PTPRD: variants seen among roughly 807,000 people sequenced by gnomAD.
PTPRD encodes the protein protein tyrosine phosphatase receptor type D.
Under a neutral mutation model 214.5 loss-of-function variants are expected in PTPRD, and 34 were observed. The ratio of observed to expected loss-of-function variants is 0.16; its 90% CI spans 0.12 to 0.21. The LOEUF (loss-of-function observed/expected upper bound fraction) is 0.21, where lower values mean the gene tolerates loss of function less well. PTPRD is among the 10% of genes least tolerant of loss of function. The pLI is 1.00. For missense variants in PTPRD, 2,545 were observed against 2,398.7 expected (o/e 1.06, Z -1.27); for synonymous variants, 1,128 against 845.7 (o/e 1.33, Z -5.79).
chr9:8,792,694 T>G (rs1033037773), intron 11 of PTPRD, among the ~76,000 whole-genome samples: 2 of 152,170 alleles, frequency 1.3e-5, no homozygotes, highest in Admixed American at 6.5e-5. Flanking sequence ...ACACATTTTG[T>G]GAGCAATTAA....
At chr9:9,410,763 C>T (rs969839424) in intron 8 of PTPRD, among the ~76,000 whole-genome samples, 28 of 152,246 alleles carry the variant, frequency 1.8e-4, no homozygotes, top group Admixed American at 1.4e-3. Flanking sequence ...ATAATGACAA[C>T]ATTTTACTAC....
At chr9:8,429,935 G>C (rs925858448) in intron 35 of PTPRD, among the ~76,000 whole-genome samples, 1 of 152,202 alleles carries the variant, frequency 6.6e-6, no homozygotes, top group African/African-American at 2.4e-5. Flanking sequence ...AGCTAGTGCT[G>C]ACTAACTTGA....
At chr9:10,431,149 G>T (rs889474134) in intron 2 of PTPRD, among the ~76,000 whole-genome samples, 3 of 151,760 alleles carry the variant, frequency 2.0e-5, no homozygotes, top group Non-Finnish European at 2.9e-5. Flanking sequence ...TCCTTTTATT[G>T]ATTCTCTCCT....
rs13295325 is a variant in PTPRD, at chr9:8,934,436, A to C, written c.-104+84261T>G. 3.0e-4 allele frequency among the ~76,000 whole-genome samples: 9 copies of C among 30,332 alleles called. 1 individual carries two copies. The highest frequency in any genetic ancestry group is 4.9e-4 in the Non-Finnish European group (8 of 16,492). The allele number at this position is 30,332 out of a possible 152,430, so 19.9% of individuals were successfully genotyped here. ...GTGTGTGTGTGTATATATATATATA[A>C]ATATATATATAAATTTATATATATA... is the stretch of plus-strand genomic sequence containing the variant. On this transcript the variant is annotated intron_variant, in intron 11 of 45. Transcript: ENST00000381196.
intron 3 of PTPRD, among the ~76,000 whole-genome samples, chr9:10,087,941 T>C (rs1057122485): frequency 4.0e-5 from 6 of 151,768 alleles, no homozygotes; most frequent in Non-Finnish European, 7.4e-5. Flanking sequence ...GGTCTAGTTT[T>C]TGGCAAAGCA....
chr9:8,604,836 T>C (rs550401961), intron 14 of PTPRD, among the ~76,000 whole-genome samples: 3 of 152,244 alleles, frequency 2.0e-5, no homozygotes, highest in South Asian at 2.1e-4. Context: ...ATGGAAAATA[T>C]AGAAAATGGG....
At chr9:9,409,048 T>A (rs1422405815) in intron 8 of PTPRD, among the ~76,000 whole-genome samples, 3 of 152,134 alleles carry the variant, frequency 2.0e-5, no homozygotes, top group South Asian at 2.1e-4. Context: ...TATTGAAGTA[T>A]AACTTTTCTG....
intron 9 of PTPRD, among the ~76,000 whole-genome samples, chr9:9,332,409 C>T (rs1460429595): frequency 6.6e-6 from 1 of 151,740 alleles, no homozygotes; most frequent in African/African-American, 2.4e-5. Context: ...TGTCTAGTTG[C>T]TATCAATAAC....
chr9:9,146,475 T>C (rs1033043025), intron 10 of PTPRD, among the ~76,000 whole-genome samples: 2 of 152,156 alleles, frequency 1.3e-5, no homozygotes, highest in South Asian at 2.1e-4. Context: ...TATTCTTATG[T>C]ACACTAAAAT....
intron 7 of PTPRD, among the ~76,000 whole-genome samples, chr9:9,638,661 G>A (rs956006922): frequency 2.6e-5 from 4 of 152,038 alleles, no homozygotes; most frequent in Admixed American, 1.3e-4. Flanking sequence ...ACCTAGTGCC[G>A]AAACCACTTC....
intron 14 of PTPRD, among the ~76,000 whole-genome samples, chr9:8,594,186 C>T (rs552930405): frequency 6.6e-6 from 1 of 152,290 alleles, no homozygotes; most frequent in South Asian, 2.1e-4. Flanking sequence ...CTCCACTTTA[C>T]AATCCCCACT....
rs373856985 is a variant in PTPRD, at chr9:8,358,984, T to C, written c.4661+16952A>G. On this transcript the variant is annotated intron_variant, in intron 39 of 45. Coordinates refer to ENST00000381196, the MANE Select transcript of PTPRD (RefSeq NM_002839.4). ...TTAGCCGGGCGTGGTGGCGGGCGCC[T>C]GTAGTCCCAGCTACTCGGGAGGCTG... Among the ~76,000 whole-genome samples the C allele has an allele frequency of 2.2e-3, 324 of 149,286 alleles. 12 individuals carry two copies. In the East Asian group the frequency reaches 0.06, roughly 28 times the overall value.
intron 5 of PTPRD, among the ~76,000 whole-genome samples, chr9:9,842,297 C>CCTTTT (rs2058516617): frequency 1.3e-5 from 1 of 76,896 alleles, no homozygotes; most frequent in Admixed American, 1.5e-4. Flanking sequence ...TGAAGGAGAG[C>CCTTTT]ATTTTTTTTT....
intron 4 of PTPRD, among the ~76,000 whole-genome samples, chr9:10,002,423 C>G (rs931802906): frequency 6.7e-6 from 1 of 148,598 alleles, no homozygotes; most frequent in Non-Finnish European, 1.5e-5. Context: ...CTTAATCTAC[C>G]TATATGTTGT....
intron 2 of PTPRD, among the ~76,000 whole-genome samples, chr9:10,389,107 G>T (rs2097995774): frequency 6.6e-6 from 1 of 151,750 alleles, no homozygotes; most frequent in East Asian, 1.9e-4. Flanking sequence ...GTGTAAAATT[G>T]CTCCTGTTAT....
At chr9:10,145,242 G>A (rs1032682946) in intron 3 of PTPRD, among the ~76,000 whole-genome samples, 2 of 151,944 alleles carry the variant, frequency 1.3e-5, no homozygotes, top group Admixed American at 1.3e-4. Context: ...TATAATTTCA[G>A]GCAGATTAAA....
chr9:10,182,450 A>T (rs1336168300), intron 3 of PTPRD, among the ~76,000 whole-genome samples: 1 of 151,910 alleles, frequency 6.6e-6, no homozygotes, highest in Admixed American at 6.6e-5. Flanking sequence ...AATAGGGGAG[A>T]TCAAATTGAA....
intron 11 of PTPRD, among the ~76,000 whole-genome samples, chr9:8,781,734 G>C (rs1198706787): frequency 2.0e-5 from 3 of 152,170 alleles, no homozygotes; most frequent in African/African-American, 7.2e-5. Context: ...GGAAGGTCAG[G>C]CTGACAAGCA....
chr9:8,480,803 T>C (rs1428171856), intron 30 of PTPRD, among the ~76,000 whole-genome samples: 1 of 152,112 alleles, frequency 6.6e-6, no homozygotes, highest in Admixed American at 6.6e-5. Flanking sequence ...TTGCTTGGGA[T>C]AAAAATTACA....
Sources: gnomAD v4.1 joint callset for allele counts (sites outside exome capture counted in the v4.1 genomes callset) on GRCh38, gnomAD v4.1.1 for gene constraint, MANE v1.5 for transcripts, NCBI Gene and HGNC (gene_info 2026-07-23, HGNC 2026-07-21) for gene names.